Variants in TRANK1 observed in about 807,000 individuals in gnomAD.
TRANK1 encodes the protein tetratricopeptide repeat and ankyrin repeat containing 1, also known as TPR and ankyrin repeat-containing protein 1.
A neutral mutation model predicts 266.0 loss-of-function variants in TRANK1; 198 were observed. The ratio of observed to expected loss-of-function variants is 0.74; its 90% CI spans 0.66 to 0.84. The LOEUF (loss-of-function observed/expected upper bound fraction) is 0.84. Ranked by LOEUF, TRANK1 falls within the 40% of genes least tolerant of loss-of-function variation. The probability of loss-of-function intolerance (pLI) is 0.00; values close to 1 mark genes in which losing one functional copy is unlikely to be tolerated. For synonymous variants in TRANK1, 1,396 were observed against 1,384.1 expected, an observed-to-expected ratio of 1.01 and a Z score of -0.19; for missense variants, 3,326 against 3,634.6, an observed-to-expected ratio of 0.92 and a Z score of 2.18.
intron 8 of TRANK1, among the ~76,000 whole-genome samples, chr3:36,875,982 GTACAAAATTA>G (rs1308477225): frequency 6.6e-6 from 1 of 152,204 alleles, no homozygotes; most frequent in Non-Finnish European, 1.5e-5. Context: ...ATATCCATGT[GTACAAAATTA>G]TACAAAATTC....
At chr3:36,902,665 A>G (rs1251552088) in intron 3 of TRANK1, among the ~76,000 whole-genome samples, 1 of 152,240 alleles carries the variant, frequency 6.6e-6, no homozygotes, top group Non-Finnish European at 1.5e-5. Context: ...GGTTTCTACT[A>G]TAAGAAATGC....
chr3:36,923,154 G>A (rs1183569197), intron 1 of TRANK1, among the ~76,000 whole-genome samples: 1 of 152,100 alleles, frequency 6.6e-6, no homozygotes, highest in African/African-American at 2.4e-5. Context: ...TTTCCTGGCA[G>A]TCAGCTCCTC....
intron 1 of TRANK1, among the ~76,000 whole-genome samples, chr3:36,919,226 C>T (rs1005629421): frequency 1.3e-5 from 2 of 152,016 alleles, no homozygotes; most frequent in Non-Finnish European, 2.9e-5. Flanking sequence ...ATTTTTATAC[C>T]CATCTACCCA....
chr3:36,861,075 A>C lies in TRANK1; in HGVS notation c.1326T>G (p.Pro442=). Reference sequence around the variant, plus strand: ...TGCGGGTCAGCAGCAGAAGCACCTCAGGCCATCTCTGTTTTTCCAATAAGA... The same window carrying C: ...TGCGGGTCAGCAGCAGAAGCACCTCCGGCCATCTCTGTTTTTCCAATAAGA... ...FKFLLEKQRW[P]EVLLLLTRKV... Residue 442 remains proline, a synonymous_variant, in exon 11 of 24, where the codon CCT becomes CCG. Transcript: ENST00000645898. 1 of 1,537,730 alleles carries C rather than the reference A, an allele frequency of 6.5e-7. No homozygotes were observed.
intron 1 of TRANK1, chr3:36,908,682 C>G: frequency 1.0e-6 from 1 of 961,782 alleles, no homozygotes; most frequent in Non-Finnish European, 1.2e-6. Context: ...CAGACCAATT[C>G]CATTTATTCA....
intron 1 of TRANK1, among the ~76,000 whole-genome samples, chr3:36,934,955 T>C (rs2080404718): frequency 6.6e-6 from 1 of 152,000 alleles, no homozygotes; most frequent in African/African-American, 2.4e-5. Flanking sequence ...GGCCTTTTCA[T>C]TGCTCTCCCT....
chr3:36,918,468 G>GAAGAAAGA (rs148120910), intron 1 of TRANK1, among the ~76,000 whole-genome samples: 1 of 31,134 alleles, frequency 3.2e-5, no homozygotes, highest in Non-Finnish European at 6.8e-5. Context: ...AGAAAGAAAA[G>GAAGAAAGA]AAGAAAGAAA....
intron 15 of TRANK1, chr3:36,850,492 A>T (rs2078971438): frequency 1.0e-6 from 1 of 985,290 alleles, no homozygotes; most frequent in African/African-American, 1.7e-5. Flanking sequence ...TTATCTACAG[A>T]TAAAGGTGGC....
intron 1 of TRANK1, among the ~76,000 whole-genome samples, chr3:36,943,085 C>A (rs542320747): frequency 6.6e-6 from 1 of 151,648 alleles, no homozygotes; most frequent in Non-Finnish European, 1.5e-5. Context: ...CCAGCTATTT[C>A]GGAGGCTGCG....
At chr3:36,910,116 G>T (rs2080030535) in intron 1 of TRANK1, among the ~76,000 whole-genome samples, 1 of 152,200 alleles carries the variant, frequency 6.6e-6, no homozygotes, top group Non-Finnish European at 1.5e-5. Flanking sequence ...TCACCAAAAT[G>T]TATAAGGGTC....
intron 1 of TRANK1, among the ~76,000 whole-genome samples, chr3:36,943,856 G>A (rs1294121067): frequency 1.3e-5 from 2 of 152,072 alleles, no homozygotes; most frequent in East Asian, 3.9e-4. Context: ...AGACCTCAGA[G>A]CCCCATTCTC....
At chr3:36,835,335 A>C (rs1170921054) in intron 20 of TRANK1, among the ~76,000 whole-genome samples, 1 of 150,998 alleles carries the variant, frequency 6.6e-6, no homozygotes, top group African/African-American at 2.4e-5. Context: ...AAAAAAAAAA[A>C]AAAAAAAAAA....
chr3:36,875,577 G>A (rs932133259), intron 8 of TRANK1, among the ~76,000 whole-genome samples: 5 of 152,300 alleles, frequency 3.3e-5, no homozygotes, highest in African/African-American at 1.2e-4. Context: ...CTCTACTGAC[G>A]TATAATAAAT....
intron 8 of TRANK1, chr3:36,880,085 A>T (rs1271938222): frequency 1.4e-5 from 1 of 70,138 alleles, no homozygotes; most frequent in Non-Finnish European, 3.1e-5. Flanking sequence ...AATATATATA[A>T]ACATATATAA....
intron 9 of TRANK1, 22 bp downstream of exon 9, chr3:36,874,103 AG>A (rs1159670599): frequency 2.6e-6 from 4 of 1,527,172 alleles, no homozygotes; most frequent in Admixed American, 2.0e-5. Context: ...GCCCCCCAAA[AG>A]TTAATACACT....
At chr3:36,884,196 T>C (rs1370695868) in intron 8 of TRANK1, among the ~76,000 whole-genome samples, 1 of 152,234 alleles carries the variant, frequency 6.6e-6, no homozygotes, top group Admixed American at 6.5e-5. Flanking sequence ...GATACAATAA[T>C]ACAGATGTAG....
At chr3:36,913,124 C>A (rs1559470125) in intron 1 of TRANK1, among the ~76,000 whole-genome samples, 1 of 151,788 alleles carries the variant, frequency 6.6e-6, no homozygotes, top group African/African-American at 2.4e-5. Context: ...TCACTGCAAC[C>A]TCCATCTCTC....
rs1284075035 is a variant in TRANK1, at chr3:36,856,929, T to C, written c.2793A>G (p.Ser931=). The part of the protein sequence containing the change: ...TEQNTCAMEK[S]GRIYTEIIRI... Reference sequence around the variant, plus strand: ...GGATGATTTCCGTGTAGATCCGCCCTGATTTCTCCATTGCACACGTGTTCT... The same window carrying C: ...GGATGATTTCCGTGTAGATCCGCCCCGATTTCTCCATTGCACACGTGTTCT... Residue 931 remains serine (S), a synonymous_variant, in exon 13 of 24, where the codon TCA becomes TCG. Coordinates refer to ENST00000645898, the MANE Select transcript of TRANK1 (RefSeq NM_001329998.2). 1 of 1,582,434 alleles carries C rather than the reference T, an allele frequency of 6.3e-7. No individual in the cohort carries two copies. The highest frequency in any genetic ancestry group is 1.8e-5 in the Admixed American group (1 of 56,956).
At chr3:36,852,532 G>A (rs2078998290) in intron 13 of TRANK1, among the ~76,000 whole-genome samples, 187 bp from the exon 14 acceptor site, 1 of 152,148 alleles carries the variant, frequency 6.6e-6, no homozygotes, top group Admixed American at 6.5e-5. Flanking sequence ...TGCAGGGGAT[G>A]AGAAGGCAGA....
Sources: gnomAD v4.1 joint callset for allele counts (sites outside exome capture counted in the v4.1 genomes callset) on GRCh38, gnomAD v4.1.1 for gene constraint, MANE v1.5 for transcripts, NCBI Gene and HGNC (gene_info 2026-07-23, HGNC 2026-07-21) for gene names.